TNXB: variants seen among roughly 807,000 people sequenced by gnomAD.
TNXB encodes the protein tenascin XB.
A neutral mutation model predicts 340.5 loss-of-function variants in TNXB; 183 were observed. That is an observed-to-expected ratio of 0.54 (90% CI 0.48 to 0.61). The LOEUF (loss-of-function observed/expected upper bound fraction) is 0.61, where lower values mean the gene tolerates loss of function less well. Ranked by LOEUF, TNXB falls within the 20% of genes least tolerant of loss-of-function variation. TNXB has a pLI of 0.00. For missense variants in TNXB, 4,613 were observed against 5,446.4 expected, an observed-to-expected ratio of 0.85 and a Z score of 4.82; for synonymous variants, 2,121 against 2,314.5, an observed-to-expected ratio of 0.92 and a Z score of 2.40.
rs540778210 is a variant in TNXB at position 32,051,461 on chromosome 6, G to T, written c.9116-1140C>A. Among the ~76,000 whole-genome samples the T allele has an allele frequency of 6.6e-6, 1 of 152,288 alleles. No individual in the cohort carries two copies. The highest frequency in any genetic ancestry group is 2.1e-4 in the South Asian group (1 of 4,822). On this transcript the variant is annotated intron_variant, in intron 26 of 43. Coordinates refer to ENST00000644971, the MANE Select transcript of TNXB (RefSeq NM_001365276.2). This position sits in a 1 kb window ranked among gnomAD's most constrained non-coding sequence, Gnocchi z 4.7. ...TTACTGGGAGGAGCTTTGCTACAAA[G>T]GTGTTCTGTGATTTGCACACAAATA...
chr6:32,099,677 T>C (rs1321416738), intron 1 of TNXB, among the ~76,000 whole-genome samples: 1 of 151,848 alleles, frequency 6.6e-6, no homozygotes, highest in Non-Finnish European at 1.5e-5. Flanking sequence ...CTCTCTTTTT[T>C]ATTCAACTCC....
At position 32,082,321 on chromosome 6, in the gene TNXB, G is replaced by A; in HGVS notation, c.3451C>T (p.Gln1151Ter). Residue 1151 changes from glutamine to a stop codon, truncating the protein, a stop_gained, in exon 9 of 44, where the codon CAG becomes TAG. Coordinates refer to ENST00000644971, the MANE Select transcript of TNXB (RefSeq NM_001365276.2). LOFTEE classifies it high-confidence loss of function. This position sits in a 1 kb window ranked among gnomAD's most constrained non-coding sequence, Gnocchi z 5.0. The part of the protein sequence containing the change: ...PLVAEAKILP[Q>*]SDPSPGTPPH... ...GGAGTCCCTGGACTTGGGTCACTCT[G>A]AGGCACTAGGAAGAGTGGGTAGAGA... The A allele has an allele frequency of 6.3e-7, 1 of 1,590,888 alleles. No homozygotes were observed. The highest frequency in any genetic ancestry group is 2.2e-5 in the East Asian group (1 of 44,492).
At position 32,084,745 on chromosome 6, in the gene TNXB, C is replaced by T. The variant is rs761947187; in HGVS notation, c.3149-36G>A. ...AGAGGCAAAAGCAAAGCATAGTGGA[C>T]TCAACCGTTCTCTTGTCTGTGTCTC... On this transcript the variant is annotated intron_variant, in intron 7 of 43. Coordinates refer to ENST00000644971, the MANE Select transcript of TNXB (RefSeq NM_001365276.2). The surrounding 1 kb of genome is among the most constrained non-coding windows in gnomAD (Gnocchi z 5.5). 1 of 1,493,896 alleles carries T rather than the reference C, an allele frequency of 6.7e-7. No individual in the cohort carries two copies. The highest frequency in any genetic ancestry group is 9.0e-7 in the Non-Finnish European group (1 of 1,116,720). The allele number at this position is 1,493,896 out of a possible 1,614,324, so 92.5% of individuals were successfully genotyped here. A position where few individuals can be genotyped will look rare whatever the true frequency, so the allele number is the denominator to read the frequency against.
chr6:32,104,230 G>A (rs1301606122), intron 1 of TNXB, among the ~76,000 whole-genome samples: 1 of 152,100 alleles, frequency 6.6e-6, no homozygotes, highest in Admixed American at 6.6e-5. Flanking sequence ...TCATCCACCT[G>A]GTACCTTCAT....
rs1466745606 is a variant in TNXB at position 32,052,601 on chromosome 6, G to T, written c.9115+69C>A. The T allele has an allele frequency of 6.4e-7, 1 of 1,565,732 alleles. No homozygotes were observed. Among genetic ancestry groups the T allele is most frequent in the South Asian group, 1.1e-5 (1 of 87,696 alleles). On this transcript the variant is annotated intron_variant, in intron 26 of 43. Transcript: ENST00000644971. The surrounding 1 kb of genome is among the most constrained non-coding windows in gnomAD (Gnocchi z 4.7). Reference sequence around the variant, plus strand: ...AATACTCTTCAGAGTATGTTTTCACGAAGACTGGAGAGACAGCAGTGTCTT... The same window carrying T: ...AATACTCTTCAGAGTATGTTTTCACTAAGACTGGAGAGACAGCAGTGTCTT...
At position 32,087,203 on chromosome 6, in the gene TNXB, G is replaced by A. The variant is rs765003893; in HGVS notation, c.2780-1085C>T. 4.2e-6 allele frequency: 2 copies of A among 476,376 alleles called. No individual in the cohort carries two copies. Among genetic ancestry groups the A allele is most frequent in the South Asian group, 1.5e-5 (1 of 66,000 alleles). The allele number at this position is 476,376 out of a possible 1,614,324, so 29.5% of individuals were successfully genotyped here. A position where few individuals can be genotyped will look rare whatever the true frequency, so the allele number is the denominator to read the frequency against. On this transcript the variant is annotated intron_variant, in intron 6 of 43. Transcript: ENST00000644971. The surrounding 1 kb of genome is among the most constrained non-coding windows in gnomAD (Gnocchi z 9.0). ...TCATGAATGCAGGCTCCAACGGCAG[G>A]TGAGGCTGGACAAGGGATAGGTGTC...
In TNXB at chr6:32,056,620, C is replaced by T; in HGVS notation, c.8109G>A (p.Gln2703=). The T allele has an allele frequency of 6.2e-7, 1 of 1,613,104 alleles. No individual in the cohort carries two copies. The highest frequency in any genetic ancestry group is 8.5e-7 in the Non-Finnish European group (1 of 1,179,884). Residue 2703 remains glutamine (Q), a synonymous_variant, in exon 23 of 44, where the codon CAG becomes CAA. Coordinates refer to ENST00000644971, the MANE Select transcript of TNXB (RefSeq NM_001365276.2). ...KMNLYGFHGG[Q]RVGPISVIGV... is the part of the protein sequence containing the mutation. ...CAATGACAGAGATGGGGCCCACGCG[C>T]TGGCCACCGTGGAAGCCGTACAGGT... is the stretch of plus-strand genomic sequence containing the variant.
rs772650375 is a variant in TNXB, at chr6:32,055,991, C to T, written c.8327G>A (p.Arg2776Gln). The T allele has an allele frequency of 8.7e-6, 14 of 1,613,298 alleles. No individual in the cohort carries two copies. Among genetic ancestry groups the T allele is most frequent in the Middle Eastern group, 1.7e-4 (1 of 5,986 alleles). The change falls in exon 24 of 44, where the codon CGG becomes CAG. Residue 2776 changes from arginine (R) to glutamine (Q), a missense_variant. Coordinates refer to ENST00000644971, the MANE Select transcript of TNXB (RefSeq NM_001365276.2). ...FTVQYKDRDG[R>Q]PQVMRVRGEE... Reference sequence around the variant, plus strand: ...GCCCCTGACACGCATCACCTGGGGCCGCCCGTCCCTGTCCTTGTACTGCAC... The same window carrying T: ...GCCCCTGACACGCATCACCTGGGGCTGCCCGTCCCTGTCCTTGTACTGCAC...
chr6:32,060,276 G>A (rs1440684229), intron 21 of TNXB, among the ~76,000 whole-genome samples: 2 of 145,830 alleles, frequency 1.4e-5, no homozygotes, highest in Non-Finnish European at 1.5e-5. Context: ...AGGTTGTAGT[G>A]AGCCGAGATC....
Position 32,049,785 on chromosome 6 carries a change from C to T in TNXB, c.9440-198G>A, listed in dbSNP as rs990590696. On this transcript the variant is annotated intron_variant, in intron 27 of 43. Transcript: ENST00000644971. The surrounding 1 kb of genome is among the most constrained non-coding windows in gnomAD (Gnocchi z 4.5). Reference sequence around the variant, plus strand: ...GTCAGCTGTGGGGGACCTGGCACAGCCACCAGCACAGCAAAACTCCTGATG... The same window carrying T: ...GTCAGCTGTGGGGGACCTGGCACAGTCACCAGCACAGCAAAACTCCTGATG... Among the ~76,000 whole-genome samples, 82 of 152,150 alleles carry T rather than the reference C, an allele frequency of 5.4e-4. No homozygotes were observed. The highest frequency in any genetic ancestry group is 1.1e-3 in the Non-Finnish European group (72 of 68,010).
At chr6:32,086,432 C>T (rs913896959) in intron 6 of TNXB, among the ~76,000 whole-genome samples, 1 of 152,214 alleles carries the variant, frequency 6.6e-6, no homozygotes, top group Admixed American at 6.5e-5. Flanking sequence ...ACATACATCC[C>T]CCCCACTGGG....
chr6:32,050,279 A>G lies in TNXB; in HGVS notation c.9158T>C (p.Met3053Thr), dbSNP rs1461771502. The change falls in exon 27 of 44, where the codon ATG (methionine) becomes ACG (threonine). Residue 3053 changes from methionine (M) to threonine (T), a missense_variant. By Grantham distance (81) the Met-to-Thr change is moderately conservative. Around this residue, in one of 7 missense-constraint regions of TNXB, gnomAD observed 4,327 missense variants for 4,859.4 expected, o/e 0.89. Coordinates refer to ENST00000644971, the MANE Select transcript of TNXB (RefSeq NM_001365276.2). ...AGGCTTGATGGGGGGCTCAGGGGTC[A>G]TGGTAGGCACTGCTTGGGTGGTCTC... Reference protein sequence around the residue: ...EAETTQAVPTMTPEPPIKPRL... With the variant: ...EAETTQAVPTTTPEPPIKPRL... 2.2e-5 allele frequency: 35 copies of G among 1,613,218 alleles called. No homozygotes were observed. The highest frequency in any genetic ancestry group is 6.7e-5 in the Admixed American group (4 of 60,000).
rs1779473769 is a variant in TNXB, at chr6:32,081,892, T to C, written c.3736+144A>G. On this transcript the variant is annotated intron_variant, in intron 9 of 43. Coordinates refer to ENST00000644971, the MANE Select transcript of TNXB (RefSeq NM_001365276.2). The surrounding 1 kb of genome is among the most constrained non-coding windows in gnomAD (Gnocchi z 5.1). ...GAAGGGGCCCAGCAGTGCGGGGGAG[T>C]CTGGCTGCCCCTCAGCCCTGGAGTG... 13 of 826,412 alleles carry C rather than the reference T, an allele frequency of 1.6e-5. No homozygotes were observed. Among genetic ancestry groups the C allele is most frequent in the Non-Finnish European group, 2.3e-5 (12 of 532,626 alleles). 51.2% of individuals were successfully genotyped at this position (826,412 alleles called of 1,614,324 possible). A position where few individuals can be genotyped will look rare whatever the true frequency, so the allele number is the denominator to read the frequency against.
rs895353142 is a variant in TNXB, at chr6:32,067,586, G to T, written c.6544+75C>A. The T allele has an allele frequency of 1.3e-6, 2 of 1,539,536 alleles. No homozygotes were observed. The highest frequency in any genetic ancestry group is 2.8e-5 in the African/African-American group (2 of 72,488). On this transcript the variant is annotated intron_variant, in intron 18 of 43. Coordinates refer to ENST00000644971, the MANE Select transcript of TNXB (RefSeq NM_001365276.2). The surrounding 1 kb of genome is among the most constrained non-coding windows in gnomAD (Gnocchi z 4.2). Reference sequence around the variant, plus strand: ...CAGGTTTGAGGTCTTGGGGTTCTGGGTCCCTAGTGGAGGAGATGCTGGAGG... The same window carrying T: ...CAGGTTTGAGGTCTTGGGGTTCTGGTTCCCTAGTGGAGGAGATGCTGGAGG...
Position 32,048,427 on chromosome 6 carries a change from C to T in TNXB, c.9981G>A (p.Lys3327=). 6.4e-7 allele frequency: 1 copy of T among 1,568,094 alleles called. No individual in the cohort carries two copies. Among genetic ancestry groups the T allele is most frequent in the South Asian group, 1.2e-5 (1 of 85,266 alleles). ...CATTCTGGAGTCCAAAGAGCAGGAA[C>T]TTGTACTTGCGGGCCGGGTCCAGCC... is the stretch of plus-strand genomic sequence containing the variant. The part of the protein sequence containing the change: ...VSGLDPARKY[K]FLLFGLQNGK... The change falls in exon 29 of 44, where the codon AAG becomes AAA. Residue 3327 remains lysine, a synonymous_variant. Transcript: ENST00000644971.
chr6:32,081,543 G>C lies in TNXB; in HGVS notation c.3867C>G (p.Asp1289Glu). The C allele has an allele frequency of 1.9e-6, 3 of 1,605,708 alleles. No individual in the cohort carries two copies. The highest frequency in any genetic ancestry group is 2.6e-6 in the Non-Finnish European group (3 of 1,176,300). Residue 1289 changes from aspartate (D) to glutamate (E), a missense_variant, in exon 10 of 44, where the codon GAC becomes GAG. Transcript: ENST00000644971. This position sits in a 1 kb window ranked among gnomAD's most constrained non-coding sequence, Gnocchi z 5.1. The part of the protein sequence containing the change: ...LSWTVAQGPF[D>E]SFMVQYKDAQ... ...CATCCTTGTACTGGACCATGAATGA[G>C]TCGAAGGGGCCCTGGGCCACTGTCC...
rs567651024 is a variant in TNXB, at chr6:32,102,750, T to C, written c.-8-4544A>G. Among the ~76,000 whole-genome samples the C allele has an allele frequency of 2.0e-5, 3 of 152,120 alleles. No individual in the cohort carries two copies. In the East Asian group the frequency reaches 5.8e-4, roughly 30 times the overall value. ...TCCTGGCCAACACGGTGAAACCCTG[T>C]CTCTACTAAAAATACAAAAATTAGC... On this transcript the variant is annotated intron_variant, in intron 1 of 43. Transcript: ENST00000644971.
Position 32,087,653 on chromosome 6 carries a change from G to A in TNXB, c.2779+1132C>T, listed in dbSNP as rs1457179685. ...GGCGGGGGTGCGGGGGAGCCGGCTG[G>A]GGCGGCGGCCAACAGACGCCGCTGC... On this transcript the variant is annotated intron_variant, in intron 6 of 43. Transcript: ENST00000644971. The surrounding 1 kb of genome is among the most constrained non-coding windows in gnomAD (Gnocchi z 9.0). 4.7e-6 allele frequency: 2 copies of A among 427,274 alleles called. No individual in the cohort carries two copies. Among genetic ancestry groups the A allele is most frequent in the Non-Finnish European group, 9.5e-6 (2 of 211,254 alleles). 26.5% of individuals were successfully genotyped at this position (427,274 alleles called of 1,614,324 possible). A position where few individuals can be genotyped will look rare whatever the true frequency, so the allele number is the denominator to read the frequency against.
chr6:32,074,285 A>G lies in TNXB; in HGVS notation c.4376-333T>C, dbSNP rs1233367675. Among the ~76,000 whole-genome samples, 1 of 152,106 alleles carries G rather than the reference A, an allele frequency of 6.6e-6. No individual in the cohort carries two copies. The highest frequency in any genetic ancestry group is 2.4e-5 in the African/African-American group (1 of 41,432). On this transcript the variant is annotated intron_variant, in intron 11 of 43. Transcript: ENST00000644971. This position sits in a 1 kb window ranked among gnomAD's most constrained non-coding sequence, Gnocchi z 5.5. ...GGTGATCCACCTGCCTCAGCCCCCA[A>G]AGTGCTGGGATTACAGGTGTGAGCC...
Sources: allele counts gnomAD v4.1 joint callset (sites outside exome capture counted in the v4.1 genomes callset), GRCh38; gene constraint gnomAD v4.1.1; regional missense constraint gnomAD v4.1.1; non-coding constraint Gnocchi (gnomAD v3.1); transcripts MANE v1.5; gene names NCBI Gene and HGNC (gene_info 2026-07-23, HGNC 2026-07-21).